The following LYL1 variants were observed in gnomAD, a reference collection of about 807,000 sequenced individuals.
LYL1 encodes the protein LYL1 basic helix-loop-helix family member, also known as protein lyl-1.
Under a neutral mutation model 11.1 loss-of-function variants are expected in LYL1, and 4 were observed. The ratio of observed to expected loss-of-function variants is 0.36; its 90% confidence interval spans 0.18 to 0.82. The LOEUF (loss-of-function observed/expected upper bound fraction) is 0.82. LYL1 is among the 40% of genes least tolerant of loss of function. The pLI is 0.49. For missense variants in LYL1, 356 were observed against 397.6 expected (o/e 0.90, Z 0.89); for synonymous variants, 179 against 174.8 (o/e 1.02, Z -0.19).
Position 13,102,844 on chromosome 19 carries a change from C to T in LYL1, c.-338G>A, listed in dbSNP as rs1249351049. 1 of 152,234 alleles carries T rather than the reference C, an allele frequency of 6.6e-6. No individual in the cohort carries two copies. Among genetic ancestry groups the T allele is most frequent in the Non-Finnish European group, 1.5e-5 (1 of 68,068 alleles). 9.4% of individuals were successfully genotyped at this position (152,234 alleles called of 1,614,324 possible). ...GGCGCAGCGGCCGGAGGATGCTGGC[C>T]CAGTGCAGATAAGGGCCAGGCTGCC... On this transcript the variant is annotated 5_prime_UTR_variant, in exon 1 of 4. Coordinates refer to ENST00000264824, the MANE Select transcript of LYL1 (RefSeq NM_005583.5). This position sits in a 1 kb window ranked among gnomAD's most constrained non-coding sequence, Gnocchi z 4.9.
At position 13,099,922 on chromosome 19, in the gene LYL1, G is replaced by A. The variant is rs1271731787; in HGVS notation, c.428-188C>T. ...AGCCATCCAGACAAGAATCATCACAGGCCCGGCCTACGGACAAGGGCCTGC... is the reference window on the plus strand; with the variant it reads ...AGCCATCCAGACAAGAATCATCACAAGCCCGGCCTACGGACAAGGGCCTGC... On this transcript the variant is annotated intron_variant, in intron 3 of 3. Transcript: ENST00000264824. This position sits in a 1 kb window ranked among gnomAD's most constrained non-coding sequence, Gnocchi z 5.3. Among the ~76,000 whole-genome samples, 2 of 152,242 alleles carry A rather than the reference G, an allele frequency of 1.3e-5. No homozygotes were observed. The highest frequency in any genetic ancestry group is 4.8e-5 in the African/African-American group (2 of 41,466).
In LYL1 at chr19:13,102,444, G is replaced by T. The variant is rs988847330; in HGVS notation, c.-25+87C>A. 5.4e-6 allele frequency: 1 copy of T among 185,538 alleles called. No homozygotes were observed. Among genetic ancestry groups the T allele is most frequent in the East Asian group, 8.7e-5 (1 of 11,518 alleles). 11.5% of individuals were successfully genotyped at this position (185,538 alleles called of 1,614,324 possible). On this transcript the variant is annotated intron_variant, in intron 1 of 3. Coordinates refer to ENST00000264824, the MANE Select transcript of LYL1 (RefSeq NM_005583.5). This position sits in a 1 kb window ranked among gnomAD's most constrained non-coding sequence, Gnocchi z 4.9. ...CCCTCACTAGTGGGTCCCTGCTGGT[G>T]AATGAATGAATGAAGGAATGAACAA...
Position 13,102,647 on chromosome 19 carries a change from C to T in LYL1, c.-141G>A, listed in dbSNP as rs915940114. 4 of 167,258 alleles carry T rather than the reference C, an allele frequency of 2.4e-5. No homozygotes were observed. The highest frequency in any genetic ancestry group is 5.2e-5 in the Non-Finnish European group (4 of 76,470). 10.4% of individuals were successfully genotyped at this position (167,258 alleles called of 1,614,324 possible). A position where few individuals can be genotyped will look rare whatever the true frequency, so the allele number is the denominator to read the frequency against. The stretch of plus-strand genomic sequence containing the variant: ...CAGGCTCTGCTGTCTCGCGAGGGTC[C>T]GGCCTCAATGCTCCAGGCCCCGGCG... On this transcript the variant is annotated 5_prime_UTR_variant, in exon 1 of 4. Transcript: ENST00000264824. This position sits in a 1 kb window ranked among gnomAD's most constrained non-coding sequence, Gnocchi z 4.9.
At position 13,100,871 on chromosome 19, in the gene LYL1, C is replaced by T. The variant is rs747548528; in HGVS notation, c.301G>A (p.Ala101Thr). ...STLGTAPPTL[A>T]LHYHPHPFLN... Reference sequence around the variant, plus strand: ...AAGGGGTGAGGGTGGTAGTGCAGGGCCAAAGTGGGCGGGGCAGTTCCCAGG... The same window carrying T: ...AAGGGGTGAGGGTGGTAGTGCAGGGTCAAAGTGGGCGGGGCAGTTCCCAGG... Residue 101 changes from alanine to threonine, a missense_variant, in exon 2 of 4, where the codon GCC (alanine) becomes ACC (threonine). By Grantham distance (58) the Ala-to-Thr change is moderately conservative. Coordinates refer to ENST00000264824, the MANE Select transcript of LYL1 (RefSeq NM_005583.5). 3.1e-5 allele frequency: 48 copies of T among 1,570,198 alleles called. No homozygotes were observed. In the East Asian group the frequency reaches 1.1e-3, roughly 35 times the overall value.
chr19:13,101,246 C>A lies in LYL1; in HGVS notation c.-24-51G>T. ...GGAGGAGGACTAGGTGCCCCGCTCCCACCTGCTTAGCTCAAGAAACCCCTC... is the reference window on the plus strand; with the variant it reads ...GGAGGAGGACTAGGTGCCCCGCTCCAACCTGCTTAGCTCAAGAAACCCCTC... On this transcript the variant is annotated intron_variant, in intron 1 of 3. Coordinates refer to ENST00000264824, the MANE Select transcript of LYL1 (RefSeq NM_005583.5). The surrounding 1 kb of genome is among the most constrained non-coding windows in gnomAD (Gnocchi z 5.1). The A allele has an allele frequency of 1.4e-6, 1 of 726,686 alleles. No homozygotes were observed. The highest frequency in any genetic ancestry group is 2.0e-6 in the Non-Finnish European group (1 of 490,714). The allele number at this position is 726,686 out of a possible 1,614,324, so 45.0% of individuals were successfully genotyped here. A position where few individuals can be genotyped will look rare whatever the true frequency, so the allele number is the denominator to read the frequency against.
rs1190545969 is a variant in LYL1 at position 13,102,604 on chromosome 19, T to G, written c.-98A>C. ...AGGGCTGGCAGTCTGGGCCAGGGTGTGGTTTCCAGCGTCAGGCCAGGCTCT... is the reference window on the plus strand; with the variant it reads ...AGGGCTGGCAGTCTGGGCCAGGGTGGGGTTTCCAGCGTCAGGCCAGGCTCT... On this transcript the variant is annotated 5_prime_UTR_variant, in exon 1 of 4. Transcript: ENST00000264824. This position sits in a 1 kb window ranked among gnomAD's most constrained non-coding sequence, Gnocchi z 4.9. 5.8e-6 allele frequency: 1 copy of G among 172,888 alleles called. No individual in the cohort carries two copies. Among genetic ancestry groups the G allele is most frequent in the Non-Finnish European group, 1.3e-5 (1 of 79,856 alleles). The allele number at this position is 172,888 out of a possible 1,614,324, so 10.7% of individuals were successfully genotyped here. A position where few individuals can be genotyped will look rare whatever the true frequency, so the allele number is the denominator to read the frequency against.
At chr19:13,100,811 G>A in intron 2 of LYL1, 26 bp downstream of exon 2, 1 of 1,598,326 alleles carries the variant, frequency 6.3e-7, no homozygotes, top group Non-Finnish European at 8.5e-7. Flanking sequence ...AATCCCCACT[G>A]CCCCCCACCC....
chr19:13,100,436 C>T (rs902972268), intron 3 of LYL1, among the ~76,000 whole-genome samples: 3 of 152,192 alleles, frequency 2.0e-5, no homozygotes, highest in African/African-American at 7.2e-5. Context: ...ATGGCTTGGC[C>T]TGTTGGGTGG....
Position 13,101,177 on chromosome 19 carries a change from C to G in LYL1, c.-6G>C. The G allele has an allele frequency of 2.1e-6, 3 of 1,430,194 alleles. No individual in the cohort carries two copies. The South Asian group carries it at 4.8e-5, about 23-fold the overall frequency. 88.6% of individuals were successfully genotyped at this position (1,430,194 alleles called of 1,614,324 possible). A position where few individuals can be genotyped will look rare whatever the true frequency, so the allele number is the denominator to read the frequency against. On this transcript the variant is annotated 5_prime_UTR_variant, in exon 2 of 4. Coordinates refer to ENST00000264824, the MANE Select transcript of LYL1 (RefSeq NM_005583.5). The surrounding 1 kb of genome is among the most constrained non-coding windows in gnomAD (Gnocchi z 5.1). ...TGTGCCTGAGGCGGGCACATGGACC[C>G]CGACGTGGGGGTACTCACCTGTGGG...
intron 3 of LYL1, among the ~76,000 whole-genome samples, chr19:13,100,455 G>A (rs558439836): frequency 5.9e-5 from 9 of 152,352 alleles, no homozygotes; most frequent in Admixed American, 2.0e-4. Flanking sequence ...GGCGGTGGTT[G>A]TGTGGGGCTG....
intron 3 of LYL1, among the ~76,000 whole-genome samples, chr19:13,100,102 T>A (rs1468278038): frequency 1.3e-5 from 2 of 152,104 alleles, no homozygotes; most frequent in African/African-American, 2.4e-5. Context: ...GTCTGAGAGG[T>A]CCTCTCATTA....
chr19:13,101,919 A>G lies in LYL1; in HGVS notation c.-25+612T>C. On this transcript the variant is annotated intron_variant, in intron 1 of 3. Coordinates refer to ENST00000264824, the MANE Select transcript of LYL1 (RefSeq NM_005583.5). This position sits in a 1 kb window ranked among gnomAD's most constrained non-coding sequence, Gnocchi z 5.1. Reference sequence around the variant, plus strand: ...CCCAGTCCAGTCCAGTCATGCCCCAACCCTCCCTCTGGCTTGGAAGCCCCC... The same window carrying G: ...CCCAGTCCAGTCCAGTCATGCCCCAGCCCTCCCTCTGGCTTGGAAGCCCCC... The G allele has an allele frequency of 4.3e-6, 1 of 231,482 alleles. No individual in the cohort carries two copies. The highest frequency in any genetic ancestry group is 8.5e-6 in the Non-Finnish European group (1 of 117,238). The allele number at this position is 231,482 out of a possible 1,614,324, so 14.3% of individuals were successfully genotyped here.
In LYL1 at chr19:13,101,026, C is replaced by T. The variant is rs1327194388; in HGVS notation, c.146G>A (p.Gly49Glu). The T allele has an allele frequency of 1.0e-5, 15 of 1,479,388 alleles. No homozygotes were observed. The highest frequency in any genetic ancestry group is 1.3e-5 in the Non-Finnish European group (15 of 1,116,414). The allele number at this position is 1,479,388 out of a possible 1,614,324, so 91.6% of individuals were successfully genotyped here. A position where few individuals can be genotyped will look rare whatever the true frequency, so the allele number is the denominator to read the frequency against. The change falls in exon 2 of 4, where the codon GGA (glycine) becomes GAA (glutamate). Residue 49 changes from glycine to glutamate, a missense_variant. Coordinates refer to ENST00000264824, the MANE Select transcript of LYL1 (RefSeq NM_005583.5). This position sits in a 1 kb window ranked among gnomAD's most constrained non-coding sequence, Gnocchi z 5.1. ...PPQVEEVGHR[G>E]GSSPPRLPPG... is the part of the protein sequence containing the mutation. The stretch of plus-strand genomic sequence containing the variant: ...TGGCAGCCTGGGGGGCGAGGAGCCT[C>T]CTCGGTGGCCCACCTCCTCCACCTG...
At position 13,102,132 on chromosome 19, in the gene LYL1, C is replaced by T. The variant is rs761285583; in HGVS notation, c.-25+399G>A. Reference sequence around the variant, plus strand: ...GAGTACAGGCATGTGCCACCATGCCCGGCTAATTTAAAAAAAAAAATTTTT... The same window carrying T: ...GAGTACAGGCATGTGCCACCATGCCTGGCTAATTTAAAAAAAAAAATTTTT... On this transcript the variant is annotated intron_variant, in intron 1 of 3. Transcript: ENST00000264824. The surrounding 1 kb of genome is among the most constrained non-coding windows in gnomAD (Gnocchi z 4.9). The T allele has an allele frequency of 3.8e-5, 8 of 208,656 alleles. No individual in the cohort carries two copies. Among genetic ancestry groups the T allele is most frequent in the South Asian group, 1.9e-4 (1 of 5,338 alleles). The allele number at this position is 208,656 out of a possible 1,614,324, so 12.9% of individuals were successfully genotyped here.
chr19:13,101,524 G>C lies in LYL1; in HGVS notation c.-24-329C>G. 3.5e-6 allele frequency: 1 copy of C among 283,800 alleles called. No individual in the cohort carries two copies. Among genetic ancestry groups the C allele is most frequent in the Non-Finnish European group, 6.6e-6 (1 of 152,310 alleles). The allele number at this position is 283,800 out of a possible 1,614,324, so 17.6% of individuals were successfully genotyped here. On this transcript the variant is annotated intron_variant, in intron 1 of 3. Coordinates refer to ENST00000264824, the MANE Select transcript of LYL1 (RefSeq NM_005583.5). This position sits in a 1 kb window ranked among gnomAD's most constrained non-coding sequence, Gnocchi z 5.1. Reference sequence around the variant, plus strand: ...TTCCCTCACCTCTGCAGCCTGGAGAGGGAACAAGACAGGGAGCCCCTAACT... The same window carrying C: ...TTCCCTCACCTCTGCAGCCTGGAGACGGAACAAGACAGGGAGCCCCTAACT...
rs779141564 is a variant in LYL1 at position 13,100,829 on chromosome 19, C to T, written c.335+8G>A. The T allele has an allele frequency of 1.5e-5, 23 of 1,585,128 alleles. No individual in the cohort carries two copies. Among genetic ancestry groups the T allele is most frequent in the South Asian group, 2.3e-5 (2 of 88,178 alleles). ...CCCCACTGCCCCCCACCCCAGATCC[C>T]CACTGACCTGTTGAGGAAGGGGTGA... On this transcript the variant is annotated splice_region_variant and intron_variant, in intron 2 of 3. Coordinates refer to ENST00000264824, the MANE Select transcript of LYL1 (RefSeq NM_005583.5).
At position 13,101,984 on chromosome 19, in the gene LYL1, T is replaced by G. The variant is rs2145564320; in HGVS notation, c.-25+547A>C. The G allele has an allele frequency of 4.4e-6, 1 of 227,572 alleles. No homozygotes were observed. Among genetic ancestry groups the G allele is most frequent in the Non-Finnish European group, 8.7e-6 (1 of 114,464 alleles). 14.1% of individuals were successfully genotyped at this position (227,572 alleles called of 1,614,324 possible). A position where few individuals can be genotyped will look rare whatever the true frequency, so the allele number is the denominator to read the frequency against. Reference sequence around the variant, plus strand: ...CCACGCTTTTTAAAATTTGTTTATTTTTTTAGAGACAGGGTCTCCCTCTGT... The same window carrying G: ...CCACGCTTTTTAAAATTTGTTTATTGTTTTAGAGACAGGGTCTCCCTCTGT... On this transcript the variant is annotated intron_variant, in intron 1 of 3. Coordinates refer to ENST00000264824, the MANE Select transcript of LYL1 (RefSeq NM_005583.5). The surrounding 1 kb of genome is among the most constrained non-coding windows in gnomAD (Gnocchi z 5.1).
chr19:13,102,548 A>T lies in LYL1; in HGVS notation c.-42T>A, dbSNP rs2018700898. 1 of 175,994 alleles carries T rather than the reference A, an allele frequency of 5.7e-6. No homozygotes were observed. Among genetic ancestry groups the T allele is most frequent in the Admixed American group, 6.3e-5 (1 of 15,770 alleles). The allele number at this position is 175,994 out of a possible 1,614,324, so 10.9% of individuals were successfully genotyped here. ...CCTCTTACCCCAGCACTGTTCTTGC[A>T]GCCTGGTGAGTGCCCTGGCTCTGTC... is the stretch of plus-strand genomic sequence containing the variant. On this transcript the variant is annotated 5_prime_UTR_variant, in exon 1 of 4. Transcript: ENST00000264824. This position sits in a 1 kb window ranked among gnomAD's most constrained non-coding sequence, Gnocchi z 4.9.
Position 13,099,088 on chromosome 19 carries a change from G to T in LYL1, c.*231C>A, listed in dbSNP as rs1184456504. ...CGACCTCGCCCCTGGGAAGGGGACC[G>T]GGCAAGGCCACTTCCAGAGGGTTGT... On this transcript the variant is annotated 3_prime_UTR_variant, in exon 4 of 4. Transcript: ENST00000264824. The surrounding 1 kb of genome is among the most constrained non-coding windows in gnomAD (Gnocchi z 5.3). The T allele has an allele frequency of 5.2e-6, 2 of 382,286 alleles. No individual in the cohort carries two copies. The highest frequency in any genetic ancestry group is 9.1e-6 in the Non-Finnish European group (2 of 218,704). The allele number at this position is 382,286 out of a possible 1,614,324, so 23.7% of individuals were successfully genotyped here.
Sources: gnomAD v4.1 joint callset for allele counts (sites outside exome capture counted in the v4.1 genomes callset) on GRCh38, gnomAD v4.1.1 for gene constraint, Gnocchi (gnomAD v3.1) non-coding constraint, MANE v1.5 for transcripts, NCBI Gene and HGNC (gene_info 2026-07-23, HGNC 2026-07-21) for gene names.